ERCC6: variants seen among roughly 807,000 people sequenced by gnomAD.
The protein encoded by ERCC6 is DNA excision repair protein ERCC-6.
In ERCC6, 116 loss-of-function variants were observed where a neutral mutation model predicts 158.7. The observed-to-expected ratio is 0.73, with a 90% CI of 0.63 to 0.85. The LOEUF (loss-of-function observed/expected upper bound fraction) is 0.85. ERCC6 is among the 40% of genes least tolerant of loss of function. The pLI is 0.00. For missense variants in ERCC6, 1,698 were observed against 1,799.4 expected, an observed-to-expected ratio of 0.94 and a Z score of 1.02; for synonymous variants, 678 against 659.3, an observed-to-expected ratio of 1.03 and a Z score of -0.43.
In ERCC6 at chr10:49,523,977, C is replaced by T. The variant is rs1564441847; in HGVS notation, c.1397+56G>A. ...CTAGAATGCTTACATATTAATAAAC[C>T]TGTCACCTAAGATAAAGCAAACAGT... is the stretch of plus-strand genomic sequence containing the variant. On this transcript the variant is annotated intron_variant, in intron 5 of 20. Coordinates refer to ENST00000355832, the MANE Select transcript of ERCC6 (RefSeq NM_000124.4). The T allele has an allele frequency of 4.4e-6, 7 of 1,603,802 alleles. No individual in the cohort carries two copies. The Admixed American group carries it at 1.2e-4, about 27-fold the overall frequency.
intron 20 of ERCC6, 111 bp from the exon 21 acceptor site, chr10:49,459,345 A>G: frequency 8.4e-7 from 1 of 1,187,712 alleles, no homozygotes; most frequent in East Asian, 2.3e-5. Flanking sequence ...CAGGGTGGTG[A>G]GGTTGACAGG....
chr10:49,461,682 G>A lies in ERCC6; in HGVS notation c.3779-126C>T, dbSNP rs1248043663. 3 of 874,564 alleles carry A rather than the reference G, an allele frequency of 3.4e-6. No homozygotes were observed. The African/African-American group carries it at 5.0e-5, about 15-fold the overall frequency. The allele number at this position is 874,564 out of a possible 1,614,324, so 54.2% of individuals were successfully genotyped here. A position where few individuals can be genotyped will look rare whatever the true frequency, so the allele number is the denominator to read the frequency against. Reference sequence around the variant, plus strand: ...GTGATAGTACACTTAGAAAACCCTAGAGAATCAATGATAAAAAATAGTAAG... The same window carrying A: ...GTGATAGTACACTTAGAAAACCCTAAAGAATCAATGATAAAAAATAGTAAG... On this transcript the variant is annotated intron_variant, in intron 18 of 20. Transcript: ENST00000355832.
intron 1 of ERCC6, among the ~76,000 whole-genome samples, chr10:49,537,543 T>C (rs1373302631): frequency 1.4e-5 from 2 of 144,190 alleles, no homozygotes; most frequent in Non-Finnish European, 3.0e-5. Context: ...ACAAATATAA[T>C]TGTGGTGACT....
chr10:49,440,834 T>C, the ERCC6 span, among the ~76,000 whole-genome samples: 8 of 152,098 alleles, frequency 5.3e-5, no homozygotes, highest in Admixed American at 1.3e-4. Flanking sequence ...CACTACTATA[T>C]TGGATGCTGA....
At chr10:49,490,681 A>G (rs1472517244) in intron 8 of ERCC6, among the ~76,000 whole-genome samples, 1 of 152,234 alleles carries the variant, frequency 6.6e-6, no homozygotes, top group East Asian at 1.9e-4. Context: ...CATACCAGCT[A>G]CAACAAAGCA....
intron 8 of ERCC6, among the ~76,000 whole-genome samples, chr10:49,484,622 G>A (rs1851045103): frequency 6.6e-6 from 1 of 152,172 alleles, no homozygotes; most frequent in East Asian, 1.9e-4. Context: ...CAGCTGCAGT[G>A]CCAGCTACTT....
intron 5 of ERCC6, chr10:49,516,656 C>G: frequency 6.2e-7 from 1 of 1,614,150 alleles, no homozygotes; most frequent in Non-Finnish European, 8.5e-7. Flanking sequence ...GTTCAATGAC[C>G]TCGTCATCAA....
At chr10:49,495,895 ATTTGAATTCCTCATCCTCTCAC>A (rs1206631384) in intron 7 of ERCC6, among the ~76,000 whole-genome samples, 1 of 152,156 alleles carries the variant, frequency 6.6e-6, no homozygotes, top group Non-Finnish European at 1.5e-5. Flanking sequence ...AAACAGTAAA[ATTTGAATTCCTCATCCTCTCAC>A]TTCAAAGCCT....
chr10:49,449,560 C>CTTTTTTTTT (rs71026248), downstream of ERCC6, among the ~76,000 whole-genome samples: 123 of 68,064 alleles, frequency 1.8e-3, 16 homozygotes, highest in African/African-American at 7.5e-3. Flanking sequence ...ATAGTTAGGT[C>CTTTTTTTTT]TTTTTTTTTT....
chr10:49,506,656 T>C (rs919055985), intron 5 of ERCC6, among the ~76,000 whole-genome samples: 9 of 152,104 alleles, frequency 5.9e-5, no homozygotes, highest in African/African-American at 1.9e-4. Flanking sequence ...AGATATAAAA[T>C]AAGGTGAACA....
rs769234947 is a variant in ERCC6, at chr10:49,472,466, C to T, written c.2834G>A (p.Arg945Gln). Reference protein sequence around the residue: ...DWNPSTDTQARERAWRIGQKK... With the variant: ...DWNPSTDTQAQERAWRIGQKK... ...CTGGCCTATTCTCCATGCTCGCTCC[C>T]GGGCCTGCAACAGAGAGAGAGAGAC... Residue 945 changes from arginine to glutamine, a missense_variant, in exon 16 of 21, where the codon CGG becomes CAG. Transcript: ENST00000355832. 9 of 1,613,988 alleles carry T rather than the reference C, an allele frequency of 5.6e-6. No homozygotes were observed. Among genetic ancestry groups the T allele is most frequent in the East Asian group, 4.5e-5 (2 of 44,866 alleles).
intron 18 of ERCC6, among the ~76,000 whole-genome samples, chr10:49,466,317 A>C (rs1383281017): frequency 6.6e-6 from 1 of 152,220 alleles, no homozygotes; most frequent in African/African-American, 2.4e-5. Flanking sequence ...TCAGGTCAGA[A>C]ATTGTAAAAA....
intron 6 of ERCC6, chr10:49,505,578 T>A: frequency 3.9e-6 from 1 of 254,632 alleles, no homozygotes; most frequent in Non-Finnish European, 7.4e-6. Context: ...ACCTTAAAAT[T>A]ACTAAGAACA....
chr10:49,517,242 CT>C, intron 5 of ERCC6: 3 of 1,356,918 alleles, frequency 2.2e-6, no homozygotes, highest in Non-Finnish European at 2.9e-6. Flanking sequence ...TCTGTATTTT[CT>C]TTTTACCGCA....
chr10:49,532,773 T>G lies in ERCC6; in HGVS notation c.192A>C (p.Ala64=). ...GCAGGGCTGGCCCTCTCCTCGGAGCTGCTGATGCGCACCCCACAGCAGAGG... is the reference window on the plus strand; with the variant it reads ...GCAGGGCTGGCCCTCTCCTCGGAGCGGCTGATGCGCACCCCACAGCAGAGG... The part of the protein sequence containing the change: ...LSTSAVGCAS[A]APRRGPALLH... Residue 64 remains alanine (A), a synonymous_variant, in exon 2 of 21, where the codon GCA becomes GCC. Transcript: ENST00000355832. The G allele has an allele frequency of 1.9e-6, 3 of 1,614,220 alleles. No homozygotes were observed. The highest frequency in any genetic ancestry group is 2.5e-6 in the Non-Finnish European group (3 of 1,180,044).
chr10:49,454,044 T>A (rs1850449929), downstream of ERCC6, among the ~76,000 whole-genome samples: 1 of 152,220 alleles, frequency 6.6e-6, no homozygotes, highest in Non-Finnish European at 1.5e-5. Context: ...ATATTTCCTT[T>A]TTCTTCTGCT....
At chr10:49,507,512 A>AT (rs1265193639) in intron 5 of ERCC6, among the ~76,000 whole-genome samples, 4 of 152,122 alleles carry the variant, frequency 2.6e-5, no homozygotes, top group South Asian at 4.2e-4. Flanking sequence ...CTCCACTGGT[A>AT]TTTTTTTTCC....
intron 5 of ERCC6, chr10:49,516,872 T>G: frequency 6.2e-7 from 1 of 1,614,106 alleles, no homozygotes; most frequent in Non-Finnish European, 8.5e-7. Flanking sequence ...CATCTTTAGG[T>G]GCGTATGAGG....
intron 8 of ERCC6, among the ~76,000 whole-genome samples, chr10:49,490,298 G>A (rs1851150253): frequency 6.6e-6 from 1 of 151,582 alleles, no homozygotes; most frequent in Non-Finnish European, 1.5e-5. Flanking sequence ...GAAGAAGAAT[G>A]ATAGATGTGC....
Sources: allele counts gnomAD v4.1 joint callset (sites outside exome capture counted in the v4.1 genomes callset), GRCh38; gene constraint gnomAD v4.1.1; transcripts MANE v1.5; gene names NCBI Gene and HGNC (gene_info 2026-07-23, HGNC 2026-07-21).